WBP4: variants seen among roughly 807,000 people sequenced by gnomAD.
The protein encoded by WBP4 is WW domain-binding protein 4.
In WBP4, 37 loss-of-function variants were observed where a neutral mutation model predicts 55.4. The ratio of observed to expected loss-of-function variants is 0.67; its 90% CI spans 0.51 to 0.88. The LOEUF (loss-of-function observed/expected upper bound fraction) is 0.88, where lower values mean the gene tolerates loss of function less well. Among genes scored for constraint, WBP4 ranks in the 40% least tolerant of loss-of-function variants. WBP4 has a pLI of 0.00. For missense variants in WBP4, 398 were observed against 420.8 expected (o/e 0.95, Z 0.47); for synonymous variants, 142 against 140.2 (o/e 1.01, Z -0.09).
chr13:41,065,439 T>C (rs747418778), intron 4 of WBP4, 152 bp downstream of exon 4: 116 of 1,153,300 alleles, frequency 1.0e-4, no homozygotes, highest in Non-Finnish European at 1.3e-4. Flanking sequence ...GTTTAGACTA[T>C]GGAAGTTTGC....
At position 41,072,817 on chromosome 13, in the gene WBP4, T is replaced by C. The variant is rs781349742; in HGVS notation, c.522T>C (p.Ser174=). The C allele has an allele frequency of 6.2e-7, 1 of 1,613,782 alleles. No homozygotes were observed. Among genetic ancestry groups the C allele is most frequent in the Non-Finnish European group, 8.5e-7 (1 of 1,179,816 alleles). The change falls in exon 7 of 10, where the codon AGT becomes AGC. Residue 174 remains serine (S), a synonymous_variant. Coordinates refer to ENST00000379487, the MANE Select transcript of WBP4 (RefSeq NM_007187.5). ...AGACCGTTTGGGTAGAAGGTTTAAG[T>C]GAAGATGGTTTTACCTATTACTATA... The part of the protein sequence containing the change: ...AVKTVWVEGL[S]EDGFTYYYNT...
At chr13:41,075,001 T>C (rs1303698643) in intron 7 of WBP4, among the ~76,000 whole-genome samples, 1 of 152,286 alleles carries the variant, frequency 6.6e-6, no homozygotes, top group East Asian at 1.9e-4. Flanking sequence ...AAAGTTCTAT[T>C]GTTAACTTGT....
chr13:41,081,706 T>TG (rs1260864098), intron 9 of WBP4, among the ~76,000 whole-genome samples: 3 of 151,902 alleles, frequency 2.0e-5, no homozygotes, highest in Admixed American at 2.0e-4. Flanking sequence ...CCCAGTACCT[T>TG]GGGAGGCTAA....
intron 1 of WBP4, chr13:41,062,113 T>TG (rs1877693207): frequency 4.1e-6 from 4 of 973,450 alleles, no homozygotes; most frequent in Non-Finnish European, 4.8e-6. Flanking sequence ...TTTTTTTTTT[T>TG]TTTTTTTTTT....
intron 4 of WBP4, among the ~76,000 whole-genome samples, chr13:41,067,721 T>A (rs1298392584): frequency 6.6e-6 from 1 of 152,236 alleles, no homozygotes; most frequent in Non-Finnish European, 1.5e-5. Context: ...TTTGTAATTG[T>A]TGTCCATTTT....
rs757274179 is a variant in WBP4, at chr13:41,064,943, AAAAT to A, written c.76-72_76-69del. On this transcript the variant is annotated intron_variant, in intron 2 of 9. Transcript: ENST00000379487. ...ATTTTAATTTTCTCATGTTTATGAG[AAAAT>A]TATGTTTACTATGAATTTTATGATG... 6 of 1,339,688 alleles carry A rather than the reference AAAAT, an allele frequency of 4.5e-6. No homozygotes were observed. The Admixed American group carries it at 1.6e-4, about 36-fold the overall frequency. 83.0% of individuals were successfully genotyped at this position (1,339,688 alleles called of 1,614,324 possible). A position where few individuals can be genotyped will look rare whatever the true frequency, so the allele number is the denominator to read the frequency against.
Position 41,079,541 on chromosome 13 carries a change from CAAAA to C in WBP4, c.757-1087_757-1084del, listed in dbSNP as rs35433682. On this transcript the variant is annotated intron_variant, in intron 8 of 9. Transcript: ENST00000379487. ...TGGGTGACAGAGCAAGACTCCGTCT[CAAAA>C]AAAAAAAAAAAAAAAAATCAGAAAA... Among the ~76,000 whole-genome samples, 26 of 101,678 alleles carry C rather than the reference CAAAA, an allele frequency of 2.6e-4. 1 individual carries two copies. The South Asian group carries it at 6.4e-3, about 25-fold the overall frequency. 66.7% of individuals were successfully genotyped at this position (101,678 alleles called of 152,430 possible). A position where few individuals can be genotyped will look rare whatever the true frequency, so the allele number is the denominator to read the frequency against.
chr13:41,072,208 T>A (rs1441716851), intron 6 of WBP4, among the ~76,000 whole-genome samples: 1 of 152,164 alleles, frequency 6.6e-6, no homozygotes, highest in Non-Finnish European at 1.5e-5. Flanking sequence ...GAAAGTTGGT[T>A]CTTTATTAGC....
chr13:41,072,724 A>T, intron 6 of WBP4, 58 bp from the exon 7 acceptor site: 1 of 1,513,350 alleles, frequency 6.6e-7, no homozygotes, highest in Non-Finnish European at 9.1e-7. Flanking sequence ...TGTCTGAGTT[A>T]TTCAATAGAA....
chr13:41,080,252 C>T (rs541459292), intron 8 of WBP4, among the ~76,000 whole-genome samples: 6 of 152,128 alleles, frequency 3.9e-5, no homozygotes, highest in African/African-American at 1.2e-4. Context: ...TTACAAAATA[C>T]AGGTAAACAA....
In WBP4 at chr13:41,083,194, C is replaced by A; in HGVS notation, c.*280C>A. On this transcript the variant is annotated 3_prime_UTR_variant, in exon 10 of 10. Coordinates refer to ENST00000379487, the MANE Select transcript of WBP4 (RefSeq NM_007187.5). Reference sequence around the variant, plus strand: ...GATGCTATGTATCTGTTATTTAAAACATGGAGAAACAGGGCCTTTATTCCA... The same window carrying A: ...GATGCTATGTATCTGTTATTTAAAAAATGGAGAAACAGGGCCTTTATTCCA... 1 of 287,000 alleles carries A rather than the reference C, an allele frequency of 3.5e-6. No individual in the cohort carries two copies. 17.8% of individuals were successfully genotyped at this position (287,000 alleles called of 1,614,324 possible).
At chr13:41,074,007 T>C (rs1363334045) in intron 7 of WBP4, among the ~76,000 whole-genome samples, 1 of 151,518 alleles carries the variant, frequency 6.6e-6, no homozygotes, top group Non-Finnish European at 1.5e-5. Flanking sequence ...CTCGGCTCAC[T>C]GCAGGCTCTG....
intron 6 of WBP4, 146 bp downstream of exon 6, chr13:41,071,719 G>C: frequency 1.4e-6 from 1 of 715,710 alleles, no homozygotes; most frequent in Non-Finnish European, 2.3e-6. Flanking sequence ...TTCCCATAAT[G>C]CTTTTGTTAG....
chr13:41,071,733 G>A (rs1335037669), intron 6 of WBP4, among the ~76,000 whole-genome samples, 160 bp downstream of exon 6: 2 of 151,996 alleles, frequency 1.3e-5, no homozygotes, highest in Non-Finnish European at 2.9e-5. Flanking sequence ...TTGTTAGAAG[G>A]CTGGATGGAG....
At chr13:41,065,665 A>G (rs1033889261) in intron 4 of WBP4, among the ~76,000 whole-genome samples, 1 of 152,178 alleles carries the variant, frequency 6.6e-6, no homozygotes, top group Non-Finnish European at 1.5e-5. Flanking sequence ...CACTGTGTCC[A>G]TATGGTGAAA....
At chr13:41,078,601 G>A (rs1017161673) in intron 8 of WBP4, among the ~76,000 whole-genome samples, 6 of 152,238 alleles carry the variant, frequency 3.9e-5, no homozygotes, top group Admixed American at 1.3e-4. Flanking sequence ...GCCGAGGTGG[G>A]CGGATCACCT....
chr13:41,061,980 G>A (rs1877674792), intron 1 of WBP4: 1 of 930,898 alleles, frequency 1.1e-6, no homozygotes, highest in African/African-American at 1.8e-5. Flanking sequence ...CGCTGTCGGG[G>A]GTCGCATGCA....
chr13:41,062,003 C>T, intron 1 of WBP4: 1 of 973,212 alleles, frequency 1.0e-6, no homozygotes, highest in Non-Finnish European at 1.2e-6. Context: ...CCTTGGGTTT[C>T]CGAAGCCCCT....
intron 8 of WBP4, among the ~76,000 whole-genome samples, chr13:41,076,703 G>C (rs1878511101): frequency 6.6e-6 from 1 of 152,196 alleles, no homozygotes; most frequent in Non-Finnish European, 1.5e-5. Context: ...AGTCAAAGCA[G>C]AGGAGACACA....
Sources: gnomAD v4.1 joint callset for allele counts (sites outside exome capture counted in the v4.1 genomes callset) on GRCh38, gnomAD v4.1.1 for gene constraint, MANE v1.5 for transcripts, NCBI Gene and HGNC (gene_info 2026-07-23, HGNC 2026-07-21) for gene names.